Variants in CASP10 observed in about 807,000 individuals in gnomAD.
The protein encoded by CASP10 is caspase 10.
A neutral mutation model predicts 48.5 loss-of-function variants in CASP10; 41 were observed. That is an observed-to-expected ratio of 0.85 (90% confidence interval 0.66 to 1.10). The LOEUF is 1.10. Among genes scored for constraint, CASP10 ranks in the 50% least tolerant of loss-of-function variants. The probability of loss-of-function intolerance (pLI) is 0.00; values close to 1 mark genes in which losing one functional copy is unlikely to be tolerated. For missense variants in CASP10, 614 were observed against 614.5 expected (o/e 1.00, Z 0.01); for synonymous variants, 232 against 238.4 (o/e 0.97, Z 0.25).
In CASP10 at chr2:201,205,902, G is replaced by T. The variant is rs777828140; in HGVS notation, c.742G>T (p.Ala248Ser). 6.2e-7 allele frequency: 1 copy of T among 1,611,376 alleles called. No homozygotes were observed. Among genetic ancestry groups the T allele is most frequent in the African/African-American group, 1.3e-5 (1 of 74,854 alleles). ...TCTAGGTAACAGAGCCACAAATGGT[G>T]CACCAAGCCTGGTCTCCAGGGGGAT... ...GSNGNRATNG[A>S]PSLVSRGMQG... is the part of the protein sequence containing the mutation. The change falls in exon 7 of 10, where the codon GCA (alanine) becomes TCA (serine). Residue 248 changes from alanine to serine, a missense_variant. Ala to Ser is a moderately conservative substitution (Grantham distance 99). Coordinates refer to ENST00000286186, the MANE Select transcript of CASP10 (RefSeq NM_032977.4).
chr2:201,213,719 G>A (rs757113311), intron 9 of CASP10: 2 of 152,214 alleles, frequency 1.3e-5, no homozygotes, highest in Non-Finnish European at 2.9e-5. Context: ...GGGGAATTAT[G>A]AGGATAATTG....
chr2:201,203,792 C>A, intron 6 of CASP10, 26 bp downstream of exon 6: 2 of 1,588,072 alleles, frequency 1.3e-6, no homozygotes, highest in Non-Finnish European at 1.7e-6. Context: ...GTACTTTTTA[C>A]AACTTAGATC....
rs1421166449 is a variant in CASP10 at position 201,218,970 on chromosome 2, A to G, written c.*1229A>G. 16 of 985,300 alleles carry G rather than the reference A, an allele frequency of 1.6e-5. No homozygotes were observed. Among genetic ancestry groups the G allele is most frequent in the African/African-American group, 1.7e-5 (1 of 57,206 alleles). 61.0% of individuals were successfully genotyped at this position (985,300 alleles called of 1,614,324 possible). A position where few individuals can be genotyped will look rare whatever the true frequency, so the allele number is the denominator to read the frequency against. ...CTGCAAGCAGAAACTTTACAACCTG[A>G]TGTCATATTCCATTTTGGACTGGGT... On this transcript the variant is annotated 3_prime_UTR_variant, in exon 10 of 10. Coordinates refer to ENST00000286186, the MANE Select transcript of CASP10 (RefSeq NM_032977.4).
Position 201,185,788 on chromosome 2 carries a change from A to G in CASP10, c.11A>G (p.Gln4Arg). ...CCTTTCAGGCTGGCCATGAAATCTC[A>G]AGGTCAACATTGGTATTCCAGTTCA... MKSQGQHWYSSSDK... is the reference protein window; with the variant it reads MKSRGQHWYSSSDK... Residue 4 changes from glutamine to arginine, a missense_variant, in exon 2 of 10, where the codon CAA becomes CGA. Coordinates refer to ENST00000286186, the MANE Select transcript of CASP10 (RefSeq NM_032977.4). The G allele has an allele frequency of 6.2e-7, 1 of 1,612,200 alleles. No homozygotes were observed. Among genetic ancestry groups the G allele is most frequent in the Non-Finnish European group, 8.5e-7 (1 of 1,178,294 alleles).
intron 3 of CASP10, among the ~76,000 whole-genome samples, chr2:201,192,688 T>C (rs1369714537): frequency 1.3e-5 from 2 of 152,160 alleles, no homozygotes; most frequent in Non-Finnish European, 2.9e-5. Flanking sequence ...ATTTCATCTT[T>C]AAAATGTGGA....
At chr2:201,190,744 A>G (rs537249720) in intron 3 of CASP10, among the ~76,000 whole-genome samples, 8 of 152,264 alleles carry the variant, frequency 5.3e-5, no homozygotes, top group African/African-American at 1.7e-4. Context: ...TGATATTCGA[A>G]ACACTGAGTG....
chr2:201,205,749 G>T lies in CASP10; in HGVS notation c.722-133G>T, dbSNP rs1223979218. On this transcript the variant is annotated intron_variant, in intron 6 of 9. Coordinates refer to ENST00000286186, the MANE Select transcript of CASP10 (RefSeq NM_032977.4). ...ACATCAGTCTCTCCCATCAGGAAGG[G>T]CATGGTGGCTGAATTTGTCTCAGGA... is the stretch of plus-strand genomic sequence containing the variant. 7 of 701,076 alleles carry T rather than the reference G, an allele frequency of 1.0e-5. No homozygotes were observed. The South Asian group carries it at 1.0e-4, about 10-fold the overall frequency. The allele number at this position is 701,076 out of a possible 1,614,324, so 43.4% of individuals were successfully genotyped here.
At chr2:201,211,226 C>T (rs1377820431) in intron 9 of CASP10, among the ~76,000 whole-genome samples, 2 of 152,208 alleles carry the variant, frequency 1.3e-5, no homozygotes, top group East Asian at 3.8e-4. Flanking sequence ...ATCTTCCTGC[C>T]TTAGCCTTGT....
Position 201,219,907 on chromosome 2 carries a change from C to T in CASP10, c.*2166C>T, listed in dbSNP as rs1945679026. ...CTCATTTACTGGATTTGACTTCAGC[C>T]AGGTGAACTGGAATGCCTTGGGGCG... On this transcript the variant is annotated 3_prime_UTR_variant, in exon 10 of 10. Transcript: ENST00000286186. 2.0e-6 allele frequency: 2 copies of T among 985,278 alleles called. No individual in the cohort carries two copies. Among genetic ancestry groups the T allele is most frequent in the African/African-American group, 3.5e-5 (2 of 57,296 alleles). The allele number at this position is 985,278 out of a possible 1,614,324, so 61.0% of individuals were successfully genotyped here. A position where few individuals can be genotyped will look rare whatever the true frequency, so the allele number is the denominator to read the frequency against.
intron 5 of CASP10, chr2:201,200,587 C>A: frequency 6.4e-7 from 1 of 1,567,068 alleles, no homozygotes; most frequent in Non-Finnish European, 8.6e-7. Context: ...CGGGAGAGGC[C>A]TGCTCTTCGG....
chr2:201,218,082 T>G lies in CASP10; in HGVS notation c.*341T>G, dbSNP rs1327336674. The G allele has an allele frequency of 1.3e-6, 1 of 753,240 alleles. No individual in the cohort carries two copies. The highest frequency in any genetic ancestry group is 1.8e-6 in the Non-Finnish European group (1 of 564,126). The allele number at this position is 753,240 out of a possible 1,614,324, so 46.7% of individuals were successfully genotyped here. ...GTGTGTACCACCGTGCCCGGATTTT[T>G]TTTATTCTTTATTTTTTGTAGAGAT... On this transcript the variant is annotated 3_prime_UTR_variant, in exon 10 of 10. Coordinates refer to ENST00000286186, the MANE Select transcript of CASP10 (RefSeq NM_032977.4).
chr2:201,229,263 A>G (rs1371067828), exon 10 of CASP10: 2 of 674,256 alleles, frequency 3.0e-6, no homozygotes, highest in African/African-American at 1.8e-5. Context: ...TACCTGTGTC[A>G]TCTTTCTTGT....
chr2:201,198,911 A>G (rs1335728164), intron 5 of CASP10, among the ~76,000 whole-genome samples: 1 of 152,198 alleles, frequency 6.6e-6, no homozygotes, highest in Non-Finnish European at 1.5e-5. Flanking sequence ...TACAGTTACA[A>G]TTTTTAGATT....
At position 201,210,182 on chromosome 2, in the gene CASP10, T is replaced by A. The variant is rs41421248; in HGVS notation, c.1415+620T>A. 2.4e-3 allele frequency among the ~76,000 whole-genome samples: 367 copies of A among 152,390 alleles called. 3 individuals carry two copies. Among genetic ancestry groups the A allele is most frequent in the African/African-American group, 8.2e-3 (341 of 41,592 alleles). ...CACCTATGTGCTATCTTTGGACTTCTATTTGCCACTGCTCTGACAGCTTCC... is the reference window on the plus strand; with the variant it reads ...CACCTATGTGCTATCTTTGGACTTCAATTTGCCACTGCTCTGACAGCTTCC... On this transcript the variant is annotated intron_variant, in intron 9 of 9. Transcript: ENST00000286186.
rs1157122824 is a variant in CASP10, at chr2:201,208,129, A to G, written c.868A>G (p.Asn290Asp). 2 of 1,613,988 alleles carry G rather than the reference A, an allele frequency of 1.2e-6. No homozygotes were observed. Among genetic ancestry groups the G allele is most frequent in the South Asian group, 2.2e-5 (2 of 91,086 alleles). The change falls in exon 8 of 10, where the codon AAC (asparagine) becomes GAC (aspartate). Residue 290 changes from asparagine (N) to aspartate (D), a missense_variant. Transcript: ENST00000286186. ...RNHRGLCVIV[N>D]NHSFTSLKDR... is the part of the protein sequence containing the mutation. Reference sequence around the variant, plus strand: ...CCACAGAGGCCTCTGTGTCATTGTCAACAACCACAGCTTTACCTCCCTGAA... The same window carrying G: ...CCACAGAGGCCTCTGTGTCATTGTCGACAACCACAGCTTTACCTCCCTGAA...
chr2:201,197,757 T>G lies in CASP10; in HGVS notation c.684+1809T>G, dbSNP rs570594748. 6.6e-5 allele frequency among the ~76,000 whole-genome samples: 10 copies of G among 152,360 alleles called. No individual in the cohort carries two copies. In the South Asian group the frequency reaches 2.1e-3, roughly 32 times the overall value. On this transcript the variant is annotated intron_variant, in intron 5 of 9. Coordinates refer to ENST00000286186, the MANE Select transcript of CASP10 (RefSeq NM_032977.4). ...TTACATTTTGTTGTCCACTCATCCATTGATGGACTCTTGGGCTGCTGCCAC... is the reference window on the plus strand; with the variant it reads ...TTACATTTTGTTGTCCACTCATCCAGTGATGGACTCTTGGGCTGCTGCCAC...
At chr2:201,198,162 T>C (rs1291442712) in intron 5 of CASP10, among the ~76,000 whole-genome samples, 1 of 152,212 alleles carries the variant, frequency 6.6e-6, no homozygotes, top group African/African-American at 2.4e-5. Flanking sequence ...TTTAGAGAAA[T>C]GTCTGTCCAA....
In CASP10 at chr2:201,220,972, TGTAAA is replaced by T. The variant is rs1478258556; in HGVS notation, c.*3235_*3239del. ...CAAGCTAGCTTTTTTCAGCCTTGTC[TGTAAA>T]GTAGAGAAAACATTAGCTGTTGGGA... is the stretch of plus-strand genomic sequence containing the variant. On this transcript the variant is annotated 3_prime_UTR_variant, in exon 10 of 10. Transcript: ENST00000286186. 1 of 985,344 alleles carries T rather than the reference TGTAAA, an allele frequency of 1.0e-6. No homozygotes were observed. Among genetic ancestry groups the T allele is most frequent in the East Asian group, 1.1e-4 (1 of 8,828 alleles). The allele number at this position is 985,344 out of a possible 1,614,324, so 61.0% of individuals were successfully genotyped here. A position where few individuals can be genotyped will look rare whatever the true frequency, so the allele number is the denominator to read the frequency against.
intron 4 of CASP10, among the ~76,000 whole-genome samples, chr2:201,195,363 C>T (rs56278081): frequency 0.045 from 6,794 of 152,198 alleles, 194 homozygotes; most frequent in Middle Eastern, 0.099. Flanking sequence ...TGAGCCACTG[C>T]GCCTGGTCCA....
Sources: gnomAD v4.1 joint callset for allele counts (sites outside exome capture counted in the v4.1 genomes callset) on GRCh38, gnomAD v4.1.1 for gene constraint, MANE v1.5 for transcripts, NCBI Gene and HGNC (gene_info 2026-07-23, HGNC 2026-07-21) for gene names.